The following TMEM74 variants were observed in gnomAD, a reference collection of about 807,000 sequenced individuals.
TMEM74 encodes the protein transmembrane protein 74.
A neutral mutation model predicts 18.1 loss-of-function variants in TMEM74; 13 were observed. The observed-to-expected ratio is 0.72, with a 90% CI of 0.47 to 1.14. TMEM74 has a LOEUF of 1.14. TMEM74 is among the 50% of genes most tolerant of loss of function. The pLI is 0.00. For missense variants in TMEM74, 372 were observed against 375.9 expected (o/e 0.99, Z 0.09); for synonymous variants, 159 against 146.6 (o/e 1.08, Z -0.61).
intron 1 of TMEM74, among the ~76,000 whole-genome samples, chr8:108,677,248 A>T (rs990967399): frequency 9.9e-5 from 15 of 152,212 alleles, no homozygotes; most frequent in Admixed American, 7.2e-4. Context: ...TCTACTTTCC[A>T]ACTCAGTGGT....
chr8:108,649,942 T>C (rs1462374388), intron 2 of TMEM74, among the ~76,000 whole-genome samples: 1 of 152,170 alleles, frequency 6.6e-6, no homozygotes, highest in Non-Finnish European at 1.5e-5. Flanking sequence ...GGCCATCAGA[T>C]ATTAACAGTT....
intron 1 of TMEM74, among the ~76,000 whole-genome samples, chr8:108,656,369 C>T (rs1812821731): frequency 6.6e-6 from 1 of 152,106 alleles, no homozygotes; most frequent in Admixed American, 6.6e-5. Flanking sequence ...CCTGGGAGTC[C>T]TACTTTGATC....
At chr8:108,665,256 C>G (rs181212399) in intron 1 of TMEM74, among the ~76,000 whole-genome samples, 1 of 152,232 alleles carries the variant, frequency 6.6e-6, no homozygotes, top group East Asian at 1.9e-4. Flanking sequence ...TATTATATAA[C>G]AGACAGTAAC....
At chr8:108,699,294 G>A (rs1813313901) in intron 1 of TMEM74, among the ~76,000 whole-genome samples, 1 of 147,996 alleles carries the variant, frequency 6.8e-6, no homozygotes, top group East Asian at 2.0e-4. Flanking sequence ...TAAACATTTT[G>A]TATGCCAGTG....
chr8:108,769,025 G>A (rs913029579), intron 1 of TMEM74, among the ~76,000 whole-genome samples: 14 of 152,092 alleles, frequency 9.2e-5, no homozygotes, highest in Admixed American at 7.9e-4. Context: ...ACGTGAGGCA[G>A]GGCATGGAGG....
chr8:108,704,904 C>A (rs956401102), intron 1 of TMEM74, among the ~76,000 whole-genome samples: 6 of 152,188 alleles, frequency 3.9e-5, no homozygotes, highest in Non-Finnish European at 8.8e-5. Context: ...CTGTTCCATG[C>A]TTTAACCCTT....
intron 1 of TMEM74, among the ~76,000 whole-genome samples, chr8:108,748,683 GTTT>G (rs61210114): frequency 5.3e-5 from 7 of 132,718 alleles, no homozygotes; most frequent in African/African-American, 1.6e-4. Flanking sequence ...TTCTTCTAGG[GTTT>G]TTTTTTTTTT....
intron 1 of TMEM74, among the ~76,000 whole-genome samples, chr8:108,741,284 A>T (rs780512284): frequency 9.9e-5 from 15 of 152,224 alleles, no homozygotes; most frequent in Non-Finnish European, 1.9e-4. Context: ...GGTGATTTTA[A>T]TATAAAAGTA....
rs577842333 is a variant in TMEM74, at chr8:108,647,607, C to T, written n.264+7686G>A. ...ACATTAGTAGCAATTGAGGGATAAA[C>T]GAGTAAATGAAACTCTATAATCAGA... On this transcript the variant is annotated intron_variant and non_coding_transcript_variant, in intron 2 of 3. Transcript: ENST00000518838. 1.1e-3 allele frequency among the ~76,000 whole-genome samples: 163 copies of T among 151,922 alleles called. 1 individual carries two copies. Among genetic ancestry groups the T allele is most frequent in the African/African-American group, 3.2e-3 (133 of 41,436 alleles).
At chr8:108,764,434 T>G (rs1257570304) in intron 1 of TMEM74, among the ~76,000 whole-genome samples, 1 of 152,150 alleles carries the variant, frequency 6.6e-6, no homozygotes, top group Non-Finnish European at 1.5e-5. Context: ...AAGGTGAGAA[T>G]AAAGTTCTGG....
At chr8:108,739,234 C>A (rs73309863) in intron 1 of TMEM74, among the ~76,000 whole-genome samples, 1 of 152,228 alleles carries the variant, frequency 6.6e-6, no homozygotes, top group African/African-American at 2.4e-5. Flanking sequence ...AATTCAGAAT[C>A]TGAATCCTAG....
chr8:108,634,143 T>C lies in TMEM74; in HGVS notation n.264+21150A>G, dbSNP rs1003488784. 2.0e-5 allele frequency among the ~76,000 whole-genome samples: 3 copies of C among 152,036 alleles called. No individual in the cohort carries two copies. In the South Asian group the frequency reaches 6.2e-4, roughly 32 times the overall value. On this transcript the variant is annotated intron_variant and non_coding_transcript_variant, in intron 2 of 3. Transcript: ENST00000518838. Reference sequence around the variant, plus strand: ...GGGCACAGAACACAAAGCAGTCACCTGGAGTGTTTTTATGGCCATATGACT... The same window carrying C: ...GGGCACAGAACACAAAGCAGTCACCCGGAGTGTTTTTATGGCCATATGACT...
chr8:108,674,722 C>T (rs1301876129), intron 1 of TMEM74, among the ~76,000 whole-genome samples: 3 of 152,132 alleles, frequency 2.0e-5, no homozygotes, highest in Admixed American at 2.0e-4. Context: ...GAACTGGGCC[C>T]CAGATGGGCA....
At chr8:108,635,107 C>G (rs3019390) in intron 2 of TMEM74, among the ~76,000 whole-genome samples, 1 of 151,760 alleles carries the variant, frequency 6.6e-6, no homozygotes, top group African/African-American at 2.4e-5. Flanking sequence ...CTTCCCTACT[C>G]AAGTGGCCTC....
At chr8:108,700,130 G>GGTGT (rs3049748) in intron 1 of TMEM74, among the ~76,000 whole-genome samples, 26,089 of 142,988 alleles carry the variant, frequency 0.18, 2,570 homozygotes, top group African/African-American at 0.24. Flanking sequence ...GGCCATAAAT[G>GGTGT]GTGTGTGTGT....
At chr8:108,718,643 C>T (rs1563534367) in intron 1 of TMEM74, among the ~76,000 whole-genome samples, 1 of 152,148 alleles carries the variant, frequency 6.6e-6, no homozygotes, top group African/African-American at 2.4e-5. Flanking sequence ...GGACCTGAGT[C>T]CTGAACTGTG....
chr8:108,640,639 T>TA (rs1812656768), intron 2 of TMEM74, among the ~76,000 whole-genome samples: 1 of 151,530 alleles, frequency 6.6e-6, no homozygotes, highest in Non-Finnish European at 1.5e-5. Flanking sequence ...GATTAGCAAA[T>TA]TTTTTTTTGG....
In TMEM74 at chr8:108,688,121, T is replaced by G. The variant is rs144632371; in HGVS notation, n.120-32684A>C. ...AAATGAGCTATCTTTCTCCATCAGT[T>G]TAGCAAAACTTAAAGAGATCGATAA... On this transcript the variant is annotated intron_variant and non_coding_transcript_variant, in intron 1 of 3. Transcript: ENST00000518838. Among the ~76,000 whole-genome samples, 620 of 152,316 alleles carry G rather than the reference T, an allele frequency of 4.1e-3. 5 individuals carry two copies. The highest frequency in any genetic ancestry group is 0.014 in the African/African-American group (599 of 41,572).
chr8:108,677,437 T>C (rs536326479), intron 1 of TMEM74, among the ~76,000 whole-genome samples: 4 of 152,306 alleles, frequency 2.6e-5, no homozygotes, highest in African/African-American at 9.6e-5. Flanking sequence ...AGAAGTATGT[T>C]AGAGTAAAAT....
Sources: allele counts gnomAD v4.1 joint callset (sites outside exome capture counted in the v4.1 genomes callset), GRCh38; gene constraint gnomAD v4.1.1; transcripts MANE v1.5; gene names NCBI Gene and HGNC (gene_info 2026-07-23, HGNC 2026-07-21).